PHKB: variants seen among roughly 807,000 people sequenced by gnomAD.
PHKB encodes phosphorylase kinase regulatory subunit beta.
Under a neutral mutation model 152.1 loss-of-function variants are expected in PHKB, and 122 were observed. That is an observed-to-expected ratio of 0.80 (90% confidence interval 0.69 to 0.93). PHKB has a LOEUF of 0.93. Among genes scored for constraint, PHKB ranks in the 40% least tolerant of loss-of-function variants. PHKB has a pLI of 0.00. For missense variants in PHKB, 1,304 were observed against 1,328.4 expected, an observed-to-expected ratio of 0.98 and a Z score of 0.29; for synonymous variants, 436 against 464.9, an observed-to-expected ratio of 0.94 and a Z score of 0.80.
chr16:47,502,075 G>A (rs1476902807), intron 3 of PHKB, among the ~76,000 whole-genome samples: 1 of 152,084 alleles, frequency 6.6e-6, no homozygotes, highest in East Asian at 1.9e-4. Context: ...ATAGTGAATG[G>A]TATATGCAAT....
chr16:47,691,433 G>A (rs936661307), intron 27 of PHKB, among the ~76,000 whole-genome samples: 14 of 152,152 alleles, frequency 9.2e-5, no homozygotes, highest in African/African-American at 2.9e-4. Flanking sequence ...GGCCAGGCAC[G>A]ATGGCTCACA....
intron 1 of PHKB, among the ~76,000 whole-genome samples, chr16:47,495,505 T>C (rs994425389): frequency 1.3e-5 from 2 of 152,196 alleles, no homozygotes; most frequent in Non-Finnish European, 2.9e-5. Flanking sequence ...ACAGAAATGT[T>C]ACCCGCAATT....
intron 10 of PHKB, among the ~76,000 whole-genome samples, chr16:47,593,115 G>T (rs1245541308): frequency 6.7e-6 from 1 of 149,756 alleles, no homozygotes; most frequent in African/African-American, 2.5e-5. Flanking sequence ...AAAAAGAGGG[G>T]GGGGAGGGAG....
chr16:47,621,759 G>A (rs2151715321), intron 14 of PHKB, among the ~76,000 whole-genome samples: 1 of 152,248 alleles, frequency 6.6e-6, no homozygotes, highest in East Asian at 1.9e-4. Context: ...AGAGAGCCTA[G>A]CCTGAATATG....
chr16:47,497,441 C>G lies in PHKB; in HGVS notation c.119C>G (p.Pro40Arg), dbSNP rs1287101977. The change falls in exon 2 of 31, where the codon CCT (proline) becomes CGT (arginine). Residue 40 changes from proline (P) to arginine (R), a missense_variant. Transcript: ENST00000323584. ...EPLKSINLPRPDNETLWDKLD... is the reference protein window; with the variant it reads ...EPLKSINLPRRDNETLWDKLD... ...CTTAAAAGCATTAATCTTCCAAGACCTGATAATGAAACTCTCTGGGATAAG... is the reference window on the plus strand; with the variant it reads ...CTTAAAAGCATTAATCTTCCAAGACGTGATAATGAAACTCTCTGGGATAAG... The G allele has an allele frequency of 5.0e-6, 8 of 1,610,056 alleles. No individual in the cohort carries two copies. The highest frequency in any genetic ancestry group is 1.7e-5 in the Admixed American group (1 of 59,996).
chr16:47,700,640 A>G lies in PHKB; in HGVS notation c.*1274A>G, dbSNP rs911239042. 5 of 152,048 alleles carry G rather than the reference A, an allele frequency of 3.3e-5. No individual in the cohort carries two copies. Among genetic ancestry groups the G allele is most frequent in the Non-Finnish European group, 4.4e-5 (3 of 68,006 alleles). 9.4% of individuals were successfully genotyped at this position (152,048 alleles called of 1,614,324 possible). ...AATGAAAGTAGAAAGTAGATTAAAC[A>G]TTTAAATTTTATTTCTTTCCTAAAT... is the stretch of plus-strand genomic sequence containing the variant. On this transcript the variant is annotated 3_prime_UTR_variant, in exon 31 of 31. Coordinates refer to ENST00000323584, the MANE Select transcript of PHKB (RefSeq NM_000293.3).
At chr16:47,658,454 A>C (rs982322236) in intron 20 of PHKB, among the ~76,000 whole-genome samples, 1 of 152,080 alleles carries the variant, frequency 6.6e-6, no homozygotes, top group African/African-American at 2.4e-5. Flanking sequence ...TAATAAATAC[A>C]TATATGTAGT....
intron 23 of PHKB, among the ~76,000 whole-genome samples, chr16:47,662,338 T>A (rs968373931): frequency 6.6e-6 from 1 of 152,214 alleles, no homozygotes; most frequent in Non-Finnish European, 1.5e-5. Context: ...CACTTGCATG[T>A]GGAGTCACCA....
Position 47,499,863 on chromosome 16 carries a change from G to A in PHKB, c.274G>A (p.Ala92Thr), listed in dbSNP as rs1224359588. The change falls in exon 3 of 31, where the codon GCT (alanine) becomes ACT (threonine). Residue 92 changes from alanine to threonine, a missense_variant. Ala to Thr is a moderately conservative substitution (Grantham distance 58, BLOSUM62 0). Coordinates refer to ENST00000323584, the MANE Select transcript of PHKB (RefSeq NM_000293.3). ...AKIQDSLYCA[A>T]GAWALALAYR... is the part of the protein sequence containing the mutation. ...GATCCAGGACAGCCTATACTGCGCTGCTGGGGCCTGGGCTTTGGCTCTTGC... is the reference window on the plus strand; with the variant it reads ...GATCCAGGACAGCCTATACTGCGCTACTGGGGCCTGGGCTTTGGCTCTTGC... 3 of 1,614,050 alleles carry A rather than the reference G, an allele frequency of 1.9e-6. No homozygotes were observed. The highest frequency in any genetic ancestry group is 2.5e-6 in the Non-Finnish European group (3 of 1,180,032).
chr16:47,582,023 A>C (rs1269854239), intron 8 of PHKB, among the ~76,000 whole-genome samples: 2 of 152,188 alleles, frequency 1.3e-5, no homozygotes, highest in East Asian at 3.8e-4. Context: ...AATACAAAGG[A>C]AGGGAAATGA....
chr16:47,475,360 G>A (rs750599279), intron 1 of PHKB, among the ~76,000 whole-genome samples: 3 of 151,974 alleles, frequency 2.0e-5, no homozygotes, highest in South Asian at 2.1e-4. Context: ...TTTCTATCTC[G>A]GGAACTTGAC....
chr16:47,493,437 G>GT (rs1970183409), intron 1 of PHKB, among the ~76,000 whole-genome samples: 1 of 152,128 alleles, frequency 6.6e-6, no homozygotes, highest in Non-Finnish European at 1.5e-5. Flanking sequence ...TTAAAATTGA[G>GT]AGTACAGATA....
intron 13 of PHKB, chr16:47,598,709 G>A: frequency 6.4e-7 from 1 of 1,568,842 alleles, no homozygotes; most frequent in Non-Finnish European, 8.8e-7. Flanking sequence ...GGCGCCCATG[G>A]TTTCCACTCC....
chr16:47,676,220 T>C (rs1168021218), intron 26 of PHKB: 1 of 152,244 alleles, frequency 6.6e-6, no homozygotes, highest in Non-Finnish European at 1.5e-5. Flanking sequence ...TAACTGTTTC[T>C]GAGTTAGTCC....
intron 25 of PHKB, among the ~76,000 whole-genome samples, chr16:47,666,422 G>GTGT (rs1973540398): frequency 6.6e-6 from 1 of 152,162 alleles, no homozygotes; most frequent in Non-Finnish European, 1.5e-5. Context: ...AGAAAGCATG[G>GTGT]TGTTCATGCC....
intron 26 of PHKB, among the ~76,000 whole-genome samples, chr16:47,671,398 A>G (rs1036526045): frequency 4.6e-5 from 7 of 152,296 alleles, no homozygotes; most frequent in East Asian, 1.9e-4. Context: ...AGTATTAACT[A>G]TATACATAAT....
chr16:47,558,868 C>T (rs1971428297), intron 7 of PHKB, among the ~76,000 whole-genome samples: 1 of 152,176 alleles, frequency 6.6e-6, no homozygotes, highest in African/African-American at 2.4e-5. Flanking sequence ...TTTAAAATGC[C>T]ACATTTAGAT....
intron 4 of PHKB, among the ~76,000 whole-genome samples, chr16:47,506,114 G>A (rs1970413687): frequency 6.6e-6 from 1 of 151,406 alleles, no homozygotes; most frequent in African/African-American, 2.4e-5. Flanking sequence ...AGCACTTTGG[G>A]AGGCTGAGGC....
At chr16:47,594,928 C>G (rs935433640) in intron 12 of PHKB, among the ~76,000 whole-genome samples, 1 of 152,138 alleles carries the variant, frequency 6.6e-6, no homozygotes, top group Non-Finnish European at 1.5e-5. Context: ...TTGTGATATT[C>G]TTTGGGGTTT....
Sources: gnomAD v4.1 joint callset for allele counts (sites outside exome capture counted in the v4.1 genomes callset) on GRCh38, gnomAD v4.1.1 for gene constraint, MANE v1.5 for transcripts, NCBI Gene and HGNC (gene_info 2026-07-23, HGNC 2026-07-21) for gene names.